IGF1R: variants seen among roughly 807,000 people sequenced by gnomAD.
The protein encoded by IGF1R is insulin-like growth factor 1 receptor.
IGF1R carries 44 observed loss-of-function variants against 144.6 expected under a neutral mutation model. The ratio of observed to expected loss-of-function variants is 0.30; its 90% CI spans 0.24 to 0.39. The LOEUF (loss-of-function observed/expected upper bound fraction) is 0.39. IGF1R is among the 10% of genes least tolerant of loss of function. The probability of loss-of-function intolerance (pLI) is 1.00; values close to 1 mark genes in which losing one functional copy is unlikely to be tolerated. For missense variants in IGF1R, 1,355 were observed against 1,833.7 expected, an observed-to-expected ratio of 0.74 and a Z score of 4.77; for synonymous variants, 795 against 722.8, an observed-to-expected ratio of 1.10 and a Z score of -1.60.
At chr15:98,659,239 A>AT (rs150761944) in intron 1 of IGF1R, among the ~76,000 whole-genome samples, 5,140 of 150,536 alleles carry the variant, frequency 0.034, 153 homozygotes, top group African/African-American at 0.08. Context: ...AACAGTTGTG[A>AT]TTTTTTTTTT....
chr15:98,946,340 T>C (rs974291452), intron 19 of IGF1R, among the ~76,000 whole-genome samples: 28 of 152,182 alleles, frequency 1.8e-4, no homozygotes, highest in African/African-American at 6.7e-4. Flanking sequence ...CCTCAGCTGT[T>C]GTATTAGGCA....
chr15:98,945,834 A>C (rs187487204), intron 19 of IGF1R, among the ~76,000 whole-genome samples: 51 of 152,164 alleles, frequency 3.4e-4, no homozygotes, highest in Admixed American at 7.2e-4. Context: ...TGACTCTAGC[A>C]CTCAGTGGTC....
chr15:98,908,803 G>T lies in IGF1R; in HGVS notation c.1366G>T (p.Val456Phe). 1 of 1,614,136 alleles carries T rather than the reference G, an allele frequency of 6.2e-7. No individual in the cohort carries two copies. The highest frequency in any genetic ancestry group is 8.5e-7 in the Non-Finnish European group (1 of 1,180,002). The change falls in exon 6 of 21, where the codon GTT (valine) becomes TTT (phenylalanine). Residue 456 changes from valine (V) to phenylalanine (F), a missense_variant. Coordinates refer to ENST00000650285, the MANE Select transcript of IGF1R (RefSeq NM_000875.5). ...MYFAFNPKLC[V>F]SEIYRMEEVT... ...CTTTGCTTTCAATCCCAAATTATGT[G>T]TTTCCGAAATTTACCGCATGGAGGA...
chr15:98,911,183 A>C (rs1176618736), intron 6 of IGF1R, 132 bp from the exon 7 acceptor site: 15 of 975,022 alleles, frequency 1.5e-5, no homozygotes, highest in East Asian at 5.2e-5. Flanking sequence ...CGAGAAAGCC[A>C]CTGAGGAAGC....
chr15:98,894,236 A>G (rs1188520139), intron 3 of IGF1R, among the ~76,000 whole-genome samples: 1 of 152,190 alleles, frequency 6.6e-6, no homozygotes, highest in African/African-American at 2.4e-5. Context: ...CACTGTACCC[A>G]GCTTCAGATT....
chr15:98,678,593 G>T (rs951894215), intron 1 of IGF1R, among the ~76,000 whole-genome samples: 6 of 152,068 alleles, frequency 3.9e-5, no homozygotes, highest in African/African-American at 1.4e-4. Flanking sequence ...GCCCACTTCA[G>T]CCTTGACCTC....
chr15:98,653,401 C>A (rs187256505), intron 1 of IGF1R, among the ~76,000 whole-genome samples: 29 of 152,192 alleles, frequency 1.9e-4, no homozygotes, highest in Non-Finnish European at 3.7e-4. Flanking sequence ...TTTGATATGC[C>A]ACATTGACCA....
intron 1 of IGF1R, among the ~76,000 whole-genome samples, chr15:98,677,675 G>A (rs1025265714): frequency 6.6e-6 from 1 of 152,180 alleles, no homozygotes; most frequent in African/African-American, 2.4e-5. Flanking sequence ...AACACAAGAT[G>A]ACCTCCAGGA....
intron 10 of IGF1R, among the ~76,000 whole-genome samples, chr15:98,919,284 C>T (rs1596449817): frequency 6.6e-6 from 1 of 152,174 alleles, no homozygotes; most frequent in Admixed American, 6.5e-5. Flanking sequence ...CGTGGCAGCT[C>T]CTGCTGCCCG....
Position 98,648,653 on chromosome 15 carries a change from G to A in IGF1R, c.-929G>A, listed in dbSNP as rs985433103. Among the ~76,000 whole-genome samples, 1 of 147,194 alleles carries A rather than the reference G, an allele frequency of 6.8e-6. No individual in the cohort carries two copies. The highest frequency in any genetic ancestry group is 1.5e-5 in the Non-Finnish European group (1 of 66,268). Reference sequence around the variant, plus strand: ...AACCCGAGGAGGAGCGAGCGCACCAGGCGAACTCGAGAGAGGCGGGAGAGC... The same window carrying A: ...AACCCGAGGAGGAGCGAGCGCACCAAGCGAACTCGAGAGAGGCGGGAGAGC... On this transcript the variant is annotated 5_prime_UTR_variant, in exon 1 of 21. Transcript: ENST00000650285.
Position 98,961,688 on chromosome 15 carries a change from C to A in IGF1R, c.*4246C>A, listed in dbSNP as rs2017232711. ...GCATTAAGACGTTCTCCCACACAGC[C>A]CTTCCCTGAGGCAGCAGGAGCTGGT... On this transcript the variant is annotated 3_prime_UTR_variant, in exon 21 of 21. Transcript: ENST00000650285. 1.3e-5 allele frequency: 3 copies of A among 233,596 alleles called. No individual in the cohort carries two copies. Among genetic ancestry groups the A allele is most frequent in the Non-Finnish European group, 2.5e-5 (3 of 118,068 alleles). 14.5% of individuals were successfully genotyped at this position (233,596 alleles called of 1,614,324 possible). A position where few individuals can be genotyped will look rare whatever the true frequency, so the allele number is the denominator to read the frequency against.
chr15:98,905,817 T>G (rs753335086), intron 5 of IGF1R, among the ~76,000 whole-genome samples: 3 of 152,218 alleles, frequency 2.0e-5, no homozygotes, highest in Non-Finnish European at 4.4e-5. Flanking sequence ...CGTATGCATA[T>G]TTTAAAGATG....
intron 2 of IGF1R, among the ~76,000 whole-genome samples, chr15:98,794,750 C>G (rs1382176305): frequency 6.6e-6 from 1 of 152,218 alleles, no homozygotes; most frequent in Non-Finnish European, 1.5e-5. Context: ...AGCCCTTCAT[C>G]TACAGTAGTT....
chr15:98,698,092 G>T (rs2053638259), intron 1 of IGF1R, among the ~76,000 whole-genome samples: 1 of 147,992 alleles, frequency 6.8e-6, no homozygotes. Flanking sequence ...AGGCTGGAGT[G>T]CCGTGGTGCG....
intron 2 of IGF1R, among the ~76,000 whole-genome samples, chr15:98,797,928 G>A (rs1406650935): frequency 6.6e-6 from 1 of 152,220 alleles, no homozygotes; most frequent in Non-Finnish European, 1.5e-5. Context: ...CTCATAGAAG[G>A]CCTTTCTGAA....
chr15:98,957,313 C>T lies in IGF1R; in HGVS notation c.3975C>T (p.Ala1325=), dbSNP rs70958400. The part of the protein sequence containing the change: ...PLPDRHSGHK[A]ENGPGPGVLV... ...CCGACAGACACTCAGGACACAAGGC[C>T]GAGAACGGCCCCGGCCCTGGGGTGC... is the stretch of plus-strand genomic sequence containing the variant. Residue 1325 remains alanine (A), a synonymous_variant, in exon 21 of 21, where the codon GCC becomes GCT. Coordinates refer to ENST00000650285, the MANE Select transcript of IGF1R (RefSeq NM_000875.5). 136 of 1,612,654 alleles carry T rather than the reference C, an allele frequency of 8.4e-5. No individual in the cohort carries two copies. The highest frequency in any genetic ancestry group is 1.1e-4 in the Non-Finnish European group (134 of 1,179,096).
intron 2 of IGF1R, among the ~76,000 whole-genome samples, chr15:98,788,050 C>CTGTGTGTGTG (rs1171190613): frequency 2.9e-5 from 4 of 138,268 alleles, no homozygotes; most frequent in African/African-American, 9.6e-5. Flanking sequence ...CTCTCTCTCT[C>CTGTGTGTGTG]TCTCTCTCTC....
rs375460780 is a variant in IGF1R, at chr15:98,811,812, G to T, written c.641-79513G>T. ...GTGTTGGCGGGCGCCTGTAGTCCCAGCTACTCCGGAGGCTGAGGCAGGAGA... is the reference window on the plus strand; with the variant it reads ...GTGTTGGCGGGCGCCTGTAGTCCCATCTACTCCGGAGGCTGAGGCAGGAGA... On this transcript the variant is annotated intron_variant, in intron 2 of 20. Coordinates refer to ENST00000650285, the MANE Select transcript of IGF1R (RefSeq NM_000875.5). Among the ~76,000 whole-genome samples, 54 of 152,166 alleles carry T rather than the reference G, an allele frequency of 3.5e-4. No individual in the cohort carries two copies. In the East Asian group the frequency reaches 7.8e-3, roughly 22 times the overall value.
intron 1 of IGF1R, among the ~76,000 whole-genome samples, chr15:98,671,455 T>G (rs935373771): frequency 6.6e-6 from 1 of 152,192 alleles, no homozygotes; most frequent in Non-Finnish European, 1.5e-5. Context: ...GTAAGGAGCA[T>G]GTCCCAACTG....
Sources: allele counts gnomAD v4.1 joint callset (sites outside exome capture counted in the v4.1 genomes callset), GRCh38; gene constraint gnomAD v4.1.1; transcripts MANE v1.5; gene names NCBI Gene and HGNC (gene_info 2026-07-23, HGNC 2026-07-21).